SULT1B1: variants seen among roughly 807,000 people sequenced by gnomAD.
The protein encoded by SULT1B1 is sulfotransferase 1B1.
Under a neutral mutation model 34.6 loss-of-function variants are expected in SULT1B1, and 28 were observed. The ratio of observed to expected loss-of-function variants is 0.81; its 90% CI spans 0.60 to 1.11. The LOEUF (loss-of-function observed/expected upper bound fraction) is 1.11. Among genes scored for constraint, SULT1B1 ranks in the 50% least tolerant of loss-of-function variants. SULT1B1 has a pLI of 0.00. For missense variants in SULT1B1, 374 were observed against 352.2 expected (o/e 1.06, Z -0.50); for synonymous variants, 147 against 110.2 (o/e 1.33, Z -2.09).
At chr4:69,749,688 T>G (rs1453642604) in intron 4 of SULT1B1, 33 bp downstream of exon 4, 1 of 1,478,664 alleles carries the variant, frequency 6.8e-7, no homozygotes. Flanking sequence ...GATAGGGCCA[T>G]ACTAAAAAAC....
chr4:69,759,299 C>A (rs1184401479), intron 1 of SULT1B1, among the ~76,000 whole-genome samples: 1 of 152,200 alleles, frequency 6.6e-6, no homozygotes, highest in African/African-American at 2.4e-5. Context: ...TGTGATCATA[C>A]TGAAAATTTA....
rs147497645 is a variant in SULT1B1, at chr4:69,722,715, G to A, written c.*4373C>T. 2.0e-5 allele frequency: 3 copies of A among 152,204 alleles called. No homozygotes were observed. In the East Asian group the frequency reaches 5.8e-4, roughly 29 times the overall value. The allele number at this position is 152,204 out of a possible 1,614,324, so 9.4% of individuals were successfully genotyped here. Reference sequence around the variant, plus strand: ...TTTGCTGGGGTTGGAAAAGAGAAATGTTACAGCTTAAGGAGCTATTTTAGC... The same window carrying A: ...TTTGCTGGGGTTGGAAAAGAGAAATATTACAGCTTAAGGAGCTATTTTAGC... On this transcript the variant is annotated 3_prime_UTR_variant, in exon 8 of 8. Coordinates refer to ENST00000310613, the MANE Select transcript of SULT1B1 (RefSeq NM_014465.4).
chr4:69,732,631 C>T (rs952071574), intron 6 of SULT1B1, among the ~76,000 whole-genome samples: 1 of 151,470 alleles, frequency 6.6e-6, no homozygotes, highest in African/African-American at 2.4e-5. Flanking sequence ...AACATGTTTA[C>T]CTGTTGTGTG....
At chr4:69,739,950 G>A (rs1227384046) in intron 4 of SULT1B1, among the ~76,000 whole-genome samples, 2 of 152,142 alleles carry the variant, frequency 1.3e-5, no homozygotes, top group East Asian at 3.9e-4. Flanking sequence ...CCTCAGCCTG[G>A]ACTTCATTGT....
intron 7 of SULT1B1, among the ~76,000 whole-genome samples, chr4:69,729,302 A>G (rs528181958): frequency 1.3e-5 from 2 of 152,186 alleles, no homozygotes; most frequent in East Asian, 1.9e-4. Flanking sequence ...CAGTATTTGC[A>G]TGATGAGAAA....
At chr4:69,749,481 A>G (rs572028552) in intron 4 of SULT1B1, among the ~76,000 whole-genome samples, 1 of 152,280 alleles carries the variant, frequency 6.6e-6, no homozygotes, top group East Asian at 1.9e-4. Flanking sequence ...TGGAAAAAAA[A>G]GTAGTAATAT....
At chr4:69,749,655 T>A in intron 4 of SULT1B1, 66 bp downstream of exon 4, 1 of 1,148,798 alleles carries the variant, frequency 8.7e-7, no homozygotes, top group East Asian at 2.4e-5. Flanking sequence ...TTTTAAAAAA[T>A]AAACTATGTG....
chr4:69,729,389 A>T (rs1181142809), intron 7 of SULT1B1, among the ~76,000 whole-genome samples: 1 of 152,038 alleles, frequency 6.6e-6, no homozygotes, highest in Non-Finnish European at 1.5e-5. Context: ...CCTGGAACCA[A>T]TCCCCCACAT....
intron 4 of SULT1B1, 127 bp downstream of exon 4, chr4:69,749,594 G>T (rs1718892037): frequency 1.8e-6 from 1 of 546,498 alleles, no homozygotes; most frequent in Admixed American, 3.1e-5. Context: ...TACAACGTGA[G>T]TGGGTATAGT....
At chr4:69,743,770 C>T (rs576062846) in intron 4 of SULT1B1, among the ~76,000 whole-genome samples, 2 of 152,262 alleles carry the variant, frequency 1.3e-5, no homozygotes, top group South Asian at 2.1e-4. Flanking sequence ...TGACAGCACC[C>T]GGGCTTGGTG....
chr4:69,758,944 T>C (rs77114337), intron 1 of SULT1B1, among the ~76,000 whole-genome samples: 7,082 of 152,304 alleles, frequency 0.046, 238 homozygotes, highest in East Asian at 0.094. Context: ...AAATGTGGAA[T>C]CTCAGGTTTC....
chr4:69,758,199 T>C (rs1019970159), intron 1 of SULT1B1: 1 of 640,456 alleles, frequency 1.6e-6, no homozygotes, highest in Non-Finnish European at 1.9e-6. Context: ...AAGGAGGAAG[T>C]TGAAAGAAAA....
Position 69,727,212 on chromosome 4 carries a change from T to TA in SULT1B1, c.779-13dup, listed in dbSNP as rs770538517. ...GTCACCAGCCGTCCCTAAAGGTAAA[T>TA]AAAAAAACATAGGAAAGAATAAAAT... On this transcript the variant is annotated splice_polypyrimidine_tract_variant and intron_variant, in intron 7 of 7. Coordinates refer to ENST00000310613, the MANE Select transcript of SULT1B1 (RefSeq NM_014465.4). The TA allele has an allele frequency of 6.3e-6, 10 of 1,586,302 alleles. No homozygotes were observed. In the East Asian group the frequency reaches 6.7e-5, roughly 11 times the overall value.
intron 7 of SULT1B1, among the ~76,000 whole-genome samples, chr4:69,727,665 C>T (rs1366093826): frequency 6.6e-6 from 1 of 151,934 alleles, no homozygotes; most frequent in Non-Finnish European, 1.5e-5. Context: ...GTATCATTTC[C>T]TAGAATTTAT....
chr4:69,753,245 C>T (rs1239956927), intron 3 of SULT1B1, among the ~76,000 whole-genome samples: 1 of 152,176 alleles, frequency 6.6e-6, no homozygotes, highest in African/African-American at 2.4e-5. Flanking sequence ...GTTCCATAGT[C>T]CACTTGCTTG....
chr4:69,741,381 A>G (rs772720080), intron 4 of SULT1B1, among the ~76,000 whole-genome samples: 9 of 152,238 alleles, frequency 5.9e-5, no homozygotes, highest in Non-Finnish European at 1.0e-4. Context: ...TTTTTGTTCC[A>G]TATGAATTTT....
rs1717760495 is a variant in SULT1B1, at chr4:69,724,991, C to T, written c.*2097G>A. On this transcript the variant is annotated 3_prime_UTR_variant, in exon 8 of 8. Transcript: ENST00000310613. ...GACTTCATGTCTAAAACACCAAAAG[C>T]AATGGCAACAAAAGCCAAAATTGAC... 6.6e-6 allele frequency: 1 copy of T among 152,062 alleles called. No homozygotes were observed. The highest frequency in any genetic ancestry group is 2.1e-4 in the South Asian group (1 of 4,832). The allele number at this position is 152,062 out of a possible 1,614,324, so 9.4% of individuals were successfully genotyped here.
In SULT1B1 at chr4:69,733,414, T is replaced by C; in HGVS notation, c.596A>G (p.Glu199Gly). 6.3e-7 allele frequency: 1 copy of C among 1,585,864 alleles called. No individual in the cohort carries two copies. Among genetic ancestry groups the C allele is most frequent in the Non-Finnish European group, 8.6e-7 (1 of 1,165,364 alleles). Residue 199 changes from glutamate to glycine, a missense_variant and splice_region_variant, in exon 6 of 8, where the codon GAG becomes GGG. Glu to Gly is a moderately conservative substitution (Grantham distance 98, BLOSUM62 -2). Coordinates refer to ENST00000310613, the MANE Select transcript of SULT1B1 (RefSeq NM_014465.4). ...CAGAATCCATATCTACCATTTTACC[T>C]CTTTCATATCTTCATAGTACAAAAA... Reference protein sequence around the residue: ...ILFLYYEDMKENPKEEIKKII... With the variant: ...ILFLYYEDMKGNPKEEIKKII...
At chr4:69,733,302 CA>C (rs1718155566) in intron 6 of SULT1B1, 110 bp downstream of exon 6, 2 of 639,228 alleles carry the variant, frequency 3.1e-6, no homozygotes, top group African/African-American at 1.9e-5. Flanking sequence ...GGTGGATAGG[CA>C]AAGCAATCAT....
Sources: allele counts gnomAD v4.1 joint callset (sites outside exome capture counted in the v4.1 genomes callset), GRCh38; gene constraint gnomAD v4.1.1; transcripts MANE v1.5; gene names NCBI Gene and HGNC (gene_info 2026-07-23, HGNC 2026-07-21).